Variants in PLEKHS1 observed in about 807,000 individuals in gnomAD.
PLEKHS1 encodes pleckstrin homology domain-containing family S member 1.
PLEKHS1 carries 55 observed loss-of-function variants against 51.0 expected under a neutral mutation model. The observed-to-expected ratio is 1.08, with a 90% CI of 0.87 to 1.35. The LOEUF (loss-of-function observed/expected upper bound fraction) is 1.35, where lower values mean the gene tolerates loss of function less well. Among genes scored for constraint, PLEKHS1 ranks in the 40% most tolerant of loss-of-function variants. The pLI, the probability that PLEKHS1 is intolerant of heterozygous loss-of-function variation, is 0.00. For missense variants in PLEKHS1, 398 were observed against 423.0 expected (o/e 0.94, Z 0.52); for synonymous variants, 153 against 144.8 (o/e 1.06, Z -0.41).
chr10:113,758,156 A>G (rs1258993016), intron 2 of PLEKHS1, among the ~76,000 whole-genome samples: 1 of 152,234 alleles, frequency 6.6e-6, no homozygotes, highest in Non-Finnish European at 1.5e-5. Flanking sequence ...GAATATTTTT[A>G]TGACATCTAG....
chr10:113,777,164 T>C, intron 11 of PLEKHS1: 1 of 1,612,764 alleles, frequency 6.2e-7, no homozygotes, highest in Non-Finnish European at 8.5e-7. Context: ...GGGATGCATA[T>C]TTTGCCACGG....
In PLEKHS1 at chr10:113,769,768, C is replaced by CA. The variant is rs1554889525; in HGVS notation, c.436-16_436-15insA. ...AGATCAACTGTGCCCTGACTGATTCCTTTTTTTGTGAGCAGGAGGAACTCT... is the reference window on the plus strand; with the variant it reads ...AGATCAACTGTGCCCTGACTGATTCCATTTTTTTGTGAGCAGGAGGAACTCT... On this transcript the variant is annotated splice_polypyrimidine_tract_variant and intron_variant, in intron 6 of 11. Coordinates refer to ENST00000361048, the Ensembl canonical transcript of PLEKHS1. The CA allele has an allele frequency of 6.4e-6, 10 of 1,561,868 alleles. No homozygotes were observed. The South Asian group carries it at 1.1e-4, about 17-fold the overall frequency.
rs528871411 is a variant in PLEKHS1, at chr10:113,774,267, T to C, written c.713T>C (p.Ile238Thr). 6.1e-5 allele frequency: 97 copies of C among 1,603,118 alleles called. 1 individual carries two copies. The South Asian group carries it at 8.5e-4, about 14-fold the overall frequency. The change falls in exon 9 of 12, where the codon ATT (isoleucine) becomes ACT (threonine). Residue 238 changes from isoleucine (I) to threonine (T), a missense_variant. Physicochemically the swap from Ile to Thr is moderately conservative, Grantham distance 89. Coordinates refer to ENST00000361048, the Ensembl canonical transcript of PLEKHS1. ...GCTTCCAGTGATTCTGGTGAATCCA[T>C]TGAAACTGATGGTCCAGACCAGGTC...
chr10:113,777,809 A>G (rs1227633617), intron 11 of PLEKHS1: 6 of 1,412,492 alleles, frequency 4.2e-6, no homozygotes, highest in South Asian at 3.0e-5. Flanking sequence ...TAACTTCCTC[A>G]TAGAATATTG....
intron 6 of PLEKHS1, 44 bp downstream of exon 6, chr10:113,768,934 A>C: frequency 7.0e-7 from 1 of 1,437,148 alleles, no homozygotes; most frequent in Non-Finnish European, 9.6e-7. Context: ...CCTGAACACA[A>C]CCCTCTTTCA....
At chr10:113,777,092 C>T in intron 11 of PLEKHS1, 32 bp from the exon 12 acceptor site, 1 of 1,609,592 alleles carries the variant, frequency 6.2e-7, no homozygotes, top group South Asian at 1.1e-5. Flanking sequence ...CTGAGCCTCA[C>T]ACTGGTATTG....
chr10:113,772,330 G>A (rs1844451136), intron 8 of PLEKHS1, among the ~76,000 whole-genome samples: 1 of 152,150 alleles, frequency 6.6e-6, no homozygotes, highest in Non-Finnish European at 1.5e-5. Flanking sequence ...ATGGGAGGAG[G>A]AGATGACTTT....
At chr10:113,763,627 T>A (rs538842569) in intron 2 of PLEKHS1, among the ~76,000 whole-genome samples, 5 of 152,328 alleles carry the variant, frequency 3.3e-5, no homozygotes, top group Admixed American at 3.3e-4. Context: ...TTTTAGTGAT[T>A]GCTTTAGGGT....
chr10:113,774,222 T>C lies in PLEKHS1; in HGVS notation c.673-5T>C, dbSNP rs200185403. 1.3e-5 allele frequency: 21 copies of C among 1,557,062 alleles called. No individual in the cohort carries two copies. The highest frequency in any genetic ancestry group is 7.2e-5 in the Admixed American group (4 of 55,700). ...GATTCTTACATCTATTCCTTTTATC[T>C]GCAGTTGGATAATATCATTGCTTCC... On this transcript the variant is annotated splice_polypyrimidine_tract_variant and splice_region_variant and intron_variant, in intron 8 of 11. Coordinates refer to ENST00000361048, the Ensembl canonical transcript of PLEKHS1.
chr10:113,755,418 G>T, intron 2 of PLEKHS1, 113 bp downstream of exon 2: 1 of 1,459,298 alleles, frequency 6.9e-7, no homozygotes, highest in Non-Finnish European at 9.1e-7. Flanking sequence ...ATGTTGTTTT[G>T]TTTTGTTTTG....
At chr10:113,768,945 A>T (rs1257224532) in intron 6 of PLEKHS1, 55 bp downstream of exon 6, 35 of 1,346,420 alleles carry the variant, frequency 2.6e-5, no homozygotes, top group Non-Finnish European at 3.4e-5. Context: ...CCCTCTTTCA[A>T]TAGAAAACAA....
At chr10:113,753,820 T>C (rs1853966930) in intron 1 of PLEKHS1, among the ~76,000 whole-genome samples, 1 of 152,148 alleles carries the variant, frequency 6.6e-6, no homozygotes, top group Non-Finnish European at 1.5e-5. Context: ...TTATATATTT[T>C]TTTTATTTGA....
At chr10:113,765,345 C>CT (rs1305773303) in intron 2 of PLEKHS1, 3 of 779,324 alleles carry the variant, frequency 3.8e-6, no homozygotes, top group Non-Finnish European at 7.2e-6. Context: ...CCTGAGTACT[C>CT]TACCCAATGC....
At chr10:113,761,225 C>T (rs1593013811) in intron 2 of PLEKHS1, among the ~76,000 whole-genome samples, 1 of 152,176 alleles carries the variant, frequency 6.6e-6, no homozygotes, top group East Asian at 1.9e-4. Flanking sequence ...TGTGTGTACT[C>T]TTTGTTCTTC....
chr10:113,779,209 T>G (rs1455784656), intron 11 of PLEKHS1, among the ~76,000 whole-genome samples: 9 of 152,102 alleles, frequency 5.9e-5, no homozygotes, highest in Non-Finnish European at 1.2e-4. Flanking sequence ...GACTGCATGG[T>G]GGAAAAGAAG....
intron 7 of PLEKHS1, 112 bp from the exon 8 acceptor site, chr10:113,771,858 C>T: frequency 7.9e-7 from 1 of 1,260,702 alleles, no homozygotes; most frequent in Non-Finnish European, 1.1e-6. Flanking sequence ...TCTTGGAAGA[C>T]CCTCTGGTCT....
exon 5 of PLEKHS1, chr10:113,767,422 A>G (rs762832805): frequency 3.1e-6 from 5 of 1,613,520 alleles, no homozygotes; most frequent in Non-Finnish European, 4.2e-6. Context: ...TGCCACCCTG[A>G]TGAGGTCATG....
At chr10:113,780,327 G>A (rs1844826860) in intron 11 of PLEKHS1, among the ~76,000 whole-genome samples, 1 of 152,098 alleles carries the variant, frequency 6.6e-6, no homozygotes, top group Admixed American at 6.5e-5. Flanking sequence ...AATTCTTGGT[G>A]CAATTGGACC....
rs750483240 is a variant in PLEKHS1, at chr10:113,768,942, T to C, written c.435+52T>C. ...CAGGGCACCTGAACACAACCCTCTT[T>C]CAATAGAAAACAATGGTAGCTTTCC... is the stretch of plus-strand genomic sequence containing the variant. On this transcript the variant is annotated intron_variant, in intron 6 of 11. Coordinates refer to ENST00000361048, the Ensembl canonical transcript of PLEKHS1. The C allele has an allele frequency of 8.6e-6, 12 of 1,390,260 alleles. No individual in the cohort carries two copies. In the South Asian group the frequency reaches 9.3e-5, roughly 11 times the overall value. 86.1% of individuals were successfully genotyped at this position (1,390,260 alleles called of 1,614,324 possible).
Sources: gnomAD v4.1 joint callset for allele counts (sites outside exome capture counted in the v4.1 genomes callset) on GRCh38, gnomAD v4.1.1 for gene constraint, MANE v1.5 for transcripts, NCBI Gene and HGNC (gene_info 2026-07-23, HGNC 2026-07-21) for gene names.